Variants in ADAP1 observed in about 807,000 individuals in gnomAD.
ADAP1 encodes the protein ArfGAP with dual PH domains 1.
A neutral mutation model predicts 54.9 loss-of-function variants in ADAP1; 31 were observed. That is an observed-to-expected ratio of 0.56 (90% CI 0.42 to 0.76). ADAP1 has a LOEUF of 0.76. Ranked by LOEUF, ADAP1 falls within the 30% of genes least tolerant of loss-of-function variation. The pLI, the probability that ADAP1 is intolerant of heterozygous loss-of-function variation, is 0.00. For synonymous variants in ADAP1, 313 were observed against 202.6 expected (o/e 1.55, Z -4.63); for missense variants, 535 against 512.4 (o/e 1.04, Z -0.42).
At chr7:907,141 C>G (rs1161190138) in intron 4 of ADAP1, among the ~76,000 whole-genome samples, 4 of 152,162 alleles carry the variant, frequency 2.6e-5, no homozygotes, top group East Asian at 1.9e-4. Flanking sequence ...GAGTCCAGCT[C>G]AAGCCCTCAT....
At chr7:909,139 GCGC>G (rs1845605540) in intron 4 of ADAP1, among the ~76,000 whole-genome samples, 2 of 135,136 alleles carry the variant, frequency 1.5e-5, no homozygotes, top group Non-Finnish European at 1.6e-5. Context: ...CCGACAGCAG[GCGC>G]CAGCGGGAAC....
chr7:915,426 G>A (rs899811026), intron 4 of ADAP1, among the ~76,000 whole-genome samples: 24 of 152,348 alleles, frequency 1.6e-4, no homozygotes, highest in East Asian at 7.7e-4. Flanking sequence ...GGACGTGGCC[G>A]CCCCGCCGGG....
intron 4 of ADAP1, among the ~76,000 whole-genome samples, chr7:910,270 C>CTT (rs543799061): frequency 8.3e-5 from 12 of 145,192 alleles, no homozygotes; most frequent in African/African-American, 2.8e-4. Context: ...GTTTACGAGG[C>CTT]TTTTTTTTTT....
chr7:929,525 A>G (rs1358347516), intron 2 of ADAP1, among the ~76,000 whole-genome samples: 1 of 151,068 alleles, frequency 6.6e-6, no homozygotes, highest in Non-Finnish European at 1.5e-5. Context: ...AAAAAAAAAA[A>G]AAAAAAAAAA....
intron 4 of ADAP1, among the ~76,000 whole-genome samples, chr7:913,248 T>C (rs1447299822): frequency 7.2e-6 from 1 of 138,200 alleles, no homozygotes; most frequent in African/African-American, 2.7e-5. Flanking sequence ...TCGCCCAGGC[T>C]GGAGTTTAGT....
At chr7:906,510 A>G (rs867342524) in intron 4 of ADAP1, among the ~76,000 whole-genome samples, 7 of 58,196 alleles carry the variant, frequency 1.2e-4, no homozygotes, top group South Asian at 1.0e-3. Context: ...AAAGGGAGAA[A>G]GGAGAAAGGA....
At chr7:912,993 C>T (rs563306316) in intron 4 of ADAP1, among the ~76,000 whole-genome samples, 4 of 150,720 alleles carry the variant, frequency 2.7e-5, no homozygotes, top group East Asian at 3.9e-4. Flanking sequence ...GGACCATAGG[C>T]GCCTCCATGC....
At chr7:907,312 G>A (rs1378720555) in intron 4 of ADAP1, among the ~76,000 whole-genome samples, 1 of 152,136 alleles carries the variant, frequency 6.6e-6, no homozygotes, top group African/African-American at 2.4e-5. Flanking sequence ...GGGGAGGGAG[G>A]CAGAGATATG....
Position 899,401 on chromosome 7 carries a change from G to A in ADAP1, c.867+18C>T, listed in dbSNP as rs963069506. The A allele has an allele frequency of 2.5e-6, 4 of 1,612,540 alleles. No individual in the cohort carries two copies. The highest frequency in any genetic ancestry group is 3.4e-6 in the Non-Finnish European group (4 of 1,179,610). On this transcript the variant is annotated intron_variant, in intron 9 of 10. Coordinates refer to ENST00000265846, the MANE Select transcript of ADAP1 (RefSeq NM_006869.4). ...CAGTGAGCTGCCCTCCCGTGCTGGG[G>A]CCACAGCTCCTCCTTACCAGGGGGT...
At chr7:932,387 C>T (rs910418079) in intron 2 of ADAP1, among the ~76,000 whole-genome samples, 2 of 152,216 alleles carry the variant, frequency 1.3e-5, no homozygotes, top group African/African-American at 4.8e-5. Flanking sequence ...GAACGCCCCA[C>T]CCCTGGGCCC....
intron 4 of ADAP1, among the ~76,000 whole-genome samples, chr7:912,635 AGGGGCTTCCCTGC>A (rs1201063106): frequency 6.6e-6 from 1 of 152,188 alleles, no homozygotes; most frequent in Non-Finnish European, 1.5e-5. Flanking sequence ...GCGGCCACAG[AGGGGCTTCCCTGC>A]CACAGGTTAC....
intron 8 of ADAP1, 106 bp from the exon 9 acceptor site, chr7:899,596 G>T: frequency 7.6e-7 from 1 of 1,314,484 alleles, no homozygotes; most frequent in Non-Finnish European, 1.0e-6. Flanking sequence ...GCCCGGGTCA[G>T]TCACCTCCAT....
intron 4 of ADAP1, 145 bp from the exon 5 acceptor site, chr7:905,317 A>ACACGGACGGGGGGAGACGGACGGG (rs1286326154): frequency 2.5e-6 from 1 of 400,468 alleles, no homozygotes; most frequent in Non-Finnish European, 4.5e-6. Flanking sequence ...ACGGACGGGG[A>ACACGGACGGGGGGAGACGGACGGG]GAGGGGACAT....
At chr7:915,227 A>T (rs1441667394) in intron 4 of ADAP1, among the ~76,000 whole-genome samples, 1 of 36,620 alleles carries the variant, frequency 2.7e-5, no homozygotes, top group Non-Finnish European at 5.4e-5. Flanking sequence ...CCCTGCACTC[A>T]CACCTGCACA....
intron 3 of ADAP1, among the ~76,000 whole-genome samples, chr7:924,613 A>G (rs1846320865): frequency 6.9e-6 from 1 of 145,506 alleles, no homozygotes; most frequent in Admixed American, 6.9e-5. Context: ...CACCCCTGCC[A>G]TGCCCCAGCA....
intron 6 of ADAP1, chr7:900,828 G>A (rs180706716): frequency 1.7e-4 from 110 of 643,972 alleles, no homozygotes; most frequent in African/African-American, 3.8e-4. Context: ...GCCCCTCTGC[G>A]GGAGGGCAGG....
intron 2 of ADAP1, 24 bp downstream of exon 2, chr7:935,351 C>G (rs1345173216): frequency 1.3e-6 from 2 of 1,547,068 alleles, no homozygotes; most frequent in Non-Finnish European, 1.7e-6. Context: ...CTGCGCGGGT[C>G]CCCCCGCCCC....
In ADAP1 at chr7:907,464, C is replaced by A. The variant is rs555478094; in HGVS notation, c.389-2292G>T. ...ACTCCGAGTCTCGGGCCCGTGGGATCGTCCTGGAGCTCTGCCAGAGCTGTG... is the reference window on the plus strand; with the variant it reads ...ACTCCGAGTCTCGGGCCCGTGGGATAGTCCTGGAGCTCTGCCAGAGCTGTG... On this transcript the variant is annotated intron_variant, in intron 4 of 10. Transcript: ENST00000265846. Among the ~76,000 whole-genome samples, 16 of 152,274 alleles carry A rather than the reference C, an allele frequency of 1.1e-4. No individual in the cohort carries two copies. The South Asian group carries it at 3.3e-3, about 32-fold the overall frequency.
rs1279176606 is a variant in ADAP1, at chr7:946,272, C to T, written c.82+8124G>A. Among the ~76,000 whole-genome samples the T allele has an allele frequency of 1.3e-5, 2 of 152,182 alleles. No homozygotes were observed. Among genetic ancestry groups the T allele is most frequent in the Non-Finnish European group, 2.9e-5 (2 of 68,028 alleles). On this transcript the variant is annotated intron_variant, in intron 1 of 10. Coordinates refer to ENST00000265846, the MANE Select transcript of ADAP1 (RefSeq NM_006869.4). The surrounding 1 kb of genome is among the most constrained non-coding windows in gnomAD (Gnocchi z 4.3). ...GCTCCCGCCGGCCGGTGGATCCCCGCCAGCGAGGCAGTGACCTCTGGAGCT... is the reference window on the plus strand; with the variant it reads ...GCTCCCGCCGGCCGGTGGATCCCCGTCAGCGAGGCAGTGACCTCTGGAGCT...
Sources: gnomAD v4.1 joint callset for allele counts (sites outside exome capture counted in the v4.1 genomes callset) on GRCh38, gnomAD v4.1.1 for gene constraint, Gnocchi (gnomAD v3.1) non-coding constraint, MANE v1.5 for transcripts, NCBI Gene and HGNC (gene_info 2026-07-23, HGNC 2026-07-21) for gene names.